Variants in CLMN observed in about 807,000 individuals in gnomAD.
The protein encoded by CLMN is calmin.
Under a neutral mutation model 92.7 loss-of-function variants are expected in CLMN, and 57 were observed. The observed-to-expected ratio is 0.61, with a 90% CI of 0.50 to 0.77. The LOEUF is 0.77. Ranked by LOEUF, CLMN falls within the 30% of genes least tolerant of loss-of-function variation. The pLI is 0.00. For missense variants in CLMN, 1,158 were observed against 1,237.5 expected (o/e 0.94, Z 0.96); for synonymous variants, 466 against 470.6 (o/e 0.99, Z 0.13).
chr14:95,230,166 A>C, intron 1 of CLMN, 33 bp from the exon 2 acceptor site: 2 of 1,600,654 alleles, frequency 1.2e-6, no homozygotes, highest in Non-Finnish European at 1.7e-6. Flanking sequence ...AGCTGGGAGA[A>C]TAAGAAGTAT....
intron 1 of CLMN, among the ~76,000 whole-genome samples, chr14:95,258,736 C>G (rs1455673596): frequency 5.5e-5 from 6 of 109,228 alleles, no homozygotes; most frequent in African/African-American, 2.2e-4. Flanking sequence ...GTGTATGTAT[C>G]TGTGGTGTGT....
chr14:95,255,731 C>T (rs1314853718), intron 1 of CLMN, among the ~76,000 whole-genome samples: 2 of 152,160 alleles, frequency 1.3e-5, no homozygotes, highest in Non-Finnish European at 2.9e-5. Context: ...AAGCTTCAGG[C>T]CTTCCTCAAG....
At chr14:95,228,026 G>A (rs1021309482) in intron 2 of CLMN, among the ~76,000 whole-genome samples, 3 of 152,170 alleles carry the variant, frequency 2.0e-5, no homozygotes, top group Non-Finnish European at 4.4e-5. Flanking sequence ...CACCTGCCCT[G>A]AGAAAGGGGC....
chr14:95,194,280 G>A lies in CLMN; in HGVS notation c.2769+256C>T. On this transcript the variant is annotated intron_variant, in intron 11 of 12. Coordinates refer to ENST00000298912, the MANE Select transcript of CLMN (RefSeq NM_024734.4). The surrounding 1 kb of genome is among the most constrained non-coding windows in gnomAD (Gnocchi z 4.0). Reference sequence around the variant, plus strand: ...CTGGGTGCGCGCGGGGTCCAGGTGAGGCGTTTTGGGTGCGTTTTTATAGCA... The same window carrying A: ...CTGGGTGCGCGCGGGGTCCAGGTGAAGCGTTTTGGGTGCGTTTTTATAGCA... 2 of 1,407,142 alleles carry A rather than the reference G, an allele frequency of 1.4e-6. No individual in the cohort carries two copies. Among genetic ancestry groups the A allele is most frequent in the South Asian group, 1.6e-5 (1 of 63,496 alleles). 87.2% of individuals were successfully genotyped at this position (1,407,142 alleles called of 1,614,324 possible). A position where few individuals can be genotyped will look rare whatever the true frequency, so the allele number is the denominator to read the frequency against.
intron 7 of CLMN, among the ~76,000 whole-genome samples, chr14:95,209,827 G>A (rs755410088): frequency 3.9e-5 from 6 of 152,150 alleles, no homozygotes; most frequent in East Asian, 3.9e-4. Flanking sequence ...GGAGTCCTAC[G>A]TTAGCCTAAC....
At chr14:95,269,211 T>G (rs547407054) in intron 1 of CLMN, among the ~76,000 whole-genome samples, 2 of 152,334 alleles carry the variant, frequency 1.3e-5, no homozygotes, top group Non-Finnish European at 2.9e-5. Context: ...GTGCTTATAT[T>G]TAGTTTTAAT....
chr14:95,284,689 A>C (rs1206558361), intron 1 of CLMN, among the ~76,000 whole-genome samples: 2 of 151,894 alleles, frequency 1.3e-5, no homozygotes, highest in Admixed American at 1.3e-4. Context: ...TTTTTTGGCC[A>C]ATTTCTCCCA....
intron 1 of CLMN, among the ~76,000 whole-genome samples, chr14:95,293,277 T>C (rs184978149): frequency 6.0e-4 from 8 of 13,268 alleles, no homozygotes; most frequent in Admixed American, 2.3e-3. Flanking sequence ...TCCCTCCTTC[T>C]TTTCCTCCCT....
rs983445561 is a variant in CLMN at position 95,202,695 on chromosome 14, T to C, written c.2511+143A>G. On this transcript the variant is annotated intron_variant, in intron 9 of 12. Transcript: ENST00000298912. The stretch of plus-strand genomic sequence containing the variant: ...GCATTTGCCCGAGCCTCACAGTAGG[T>C]GCCTCTTTGAATTTTGCACCATAGT... 1.6e-5 allele frequency: 14 copies of C among 857,098 alleles called. No individual in the cohort carries two copies. In the African/African-American group the frequency reaches 1.9e-4, roughly 12 times the overall value. 53.1% of individuals were successfully genotyped at this position (857,098 alleles called of 1,614,324 possible). A position where few individuals can be genotyped will look rare whatever the true frequency, so the allele number is the denominator to read the frequency against.
chr14:95,209,003 C>T (rs2140586925), intron 8 of CLMN, among the ~76,000 whole-genome samples: 1 of 152,280 alleles, frequency 6.6e-6, no homozygotes, highest in East Asian at 1.9e-4. Flanking sequence ...TTAAGAATGG[C>T]CCCAAACTGC....
chr14:95,273,759 C>T (rs1322176791), intron 1 of CLMN, among the ~76,000 whole-genome samples: 1 of 152,198 alleles, frequency 6.6e-6, no homozygotes, highest in Non-Finnish European at 1.5e-5. Flanking sequence ...CTGCCCTCTG[C>T]CCTTCCGTGC....
At chr14:95,250,735 T>C (rs572182129) in intron 1 of CLMN, among the ~76,000 whole-genome samples, 171 of 152,340 alleles carry the variant, frequency 1.1e-3, no homozygotes, top group Non-Finnish European at 2.0e-3. Context: ...GGTCACCCCG[T>C]TAAGTCAGGA....
chr14:95,271,561 T>C (rs1018660837), intron 1 of CLMN, among the ~76,000 whole-genome samples: 2 of 152,212 alleles, frequency 1.3e-5, no homozygotes, highest in African/African-American at 4.8e-5. Context: ...AAAATTATCA[T>C]GCAGATCTAC....
At chr14:95,257,346 T>A (rs1036749245) in intron 1 of CLMN, among the ~76,000 whole-genome samples, 6 of 152,330 alleles carry the variant, frequency 3.9e-5, no homozygotes, top group East Asian at 3.9e-4. Context: ...CAGATTTACA[T>A]CATTCTGTTG....
At chr14:95,263,415 T>TA (rs1899337609) in intron 1 of CLMN, among the ~76,000 whole-genome samples, 1 of 152,072 alleles carries the variant, frequency 6.6e-6, no homozygotes, top group Non-Finnish European at 1.5e-5. Context: ...CAAGATGAGA[T>TA]CTGGGTGGGG....
chr14:95,316,100 C>T (rs1419643081), intron 1 of CLMN, among the ~76,000 whole-genome samples: 1 of 152,244 alleles, frequency 6.6e-6, no homozygotes, highest in African/African-American at 2.4e-5. Flanking sequence ...ACTAGCCTGT[C>T]TTTCGAAGGA....
chr14:95,282,091 G>A (rs1900163453), intron 1 of CLMN, among the ~76,000 whole-genome samples: 1 of 152,206 alleles, frequency 6.6e-6, no homozygotes, highest in Non-Finnish European at 1.5e-5. Flanking sequence ...TGTCAATTGG[G>A]TTCTGAAGGA....
chr14:95,232,227 C>T (rs930242842), intron 1 of CLMN, among the ~76,000 whole-genome samples: 3 of 152,356 alleles, frequency 2.0e-5, no homozygotes, highest in African/African-American at 4.8e-5. Context: ...GCAGCCTCCT[C>T]GGCTGTGAGC....
chr14:95,218,568 A>T (rs1440144732), intron 4 of CLMN, among the ~76,000 whole-genome samples: 1 of 152,142 alleles, frequency 6.6e-6, no homozygotes, highest in Non-Finnish European at 1.5e-5. Flanking sequence ...CCTGTTGGGG[A>T]CAGTGGGCTG....
Sources: gnomAD v4.1 joint callset for allele counts (sites outside exome capture counted in the v4.1 genomes callset) on GRCh38, gnomAD v4.1.1 for gene constraint, Gnocchi (gnomAD v3.1) non-coding constraint, MANE v1.5 for transcripts, NCBI Gene and HGNC (gene_info 2026-07-23, HGNC 2026-07-21) for gene names.